The following ASIC2 variants were observed in gnomAD, a reference collection of about 807,000 sequenced individuals.
ASIC2 encodes acid sensing ion channel subunit 2, also known as acid-sensing ion channel 2.
ASIC2 carries 25 observed loss-of-function variants against 57.3 expected under a neutral mutation model. The observed-to-expected ratio is 0.44, with a 90% confidence interval of 0.32 to 0.61. The LOEUF (loss-of-function observed/expected upper bound fraction) is 0.61. Ranked by LOEUF, ASIC2 falls within the 20% of genes least tolerant of loss-of-function variation. The probability of loss-of-function intolerance (pLI) is 0.06; values close to 1 mark genes in which losing one functional copy is unlikely to be tolerated. For synonymous variants in ASIC2, 319 were observed against 307.5 expected, an observed-to-expected ratio of 1.04 and a Z score of -0.39; for missense variants, 641 against 738.1, an observed-to-expected ratio of 0.87 and a Z score of 1.52.
chr17:34,022,652 A>AC (rs1555582533), intron 1 of ASIC2, among the ~76,000 whole-genome samples: 3 of 151,774 alleles, frequency 2.0e-5, no homozygotes, highest in African/African-American at 7.3e-5. Context: ...AAAAAAAAAA[A>AC]CAAAAAAACA....
At chr17:33,874,891 C>A (rs1914512872) in intron 1 of ASIC2, among the ~76,000 whole-genome samples, 1 of 152,202 alleles carries the variant, frequency 6.6e-6, no homozygotes, top group Non-Finnish European at 1.5e-5. Flanking sequence ...GGGACCACAC[C>A]TATGACCAGT....
chr17:33,053,973 A>G (rs2091987933), intron 3 of ASIC2, among the ~76,000 whole-genome samples: 1 of 152,164 alleles, frequency 6.6e-6, no homozygotes, highest in Non-Finnish European at 1.5e-5. Flanking sequence ...AACATAATCC[A>G]GAATAAATGC....
At chr17:33,498,972 G>A (rs1049825521) in intron 1 of ASIC2, among the ~76,000 whole-genome samples, 3 of 152,216 alleles carry the variant, frequency 2.0e-5, no homozygotes, top group African/African-American at 4.8e-5. Context: ...AGAACTGTCT[G>A]GAAGACGAGG....
intron 1 of ASIC2, among the ~76,000 whole-genome samples, chr17:33,549,928 C>G (rs552922100): frequency 2.0e-5 from 3 of 152,270 alleles, no homozygotes; most frequent in Non-Finnish European, 4.4e-5. Flanking sequence ...GGCGGCTAAA[C>G]CTAGGGACGC....
chr17:33,090,692 G>A (rs1435766408), intron 2 of ASIC2, among the ~76,000 whole-genome samples: 1 of 152,182 alleles, frequency 6.6e-6, no homozygotes, highest in Non-Finnish European at 1.5e-5. Flanking sequence ...GAGTCACTGG[G>A]AAGGAAGGGC....
At chr17:33,635,232 T>C (rs1020671541) in intron 1 of ASIC2, among the ~76,000 whole-genome samples, 9 of 152,204 alleles carry the variant, frequency 5.9e-5, no homozygotes, top group Admixed American at 5.2e-4. Flanking sequence ...TGTGGGTCAA[T>C]AATGATAATA....
intron 1 of ASIC2, among the ~76,000 whole-genome samples, chr17:33,851,318 C>G (rs1213025795): frequency 6.6e-6 from 1 of 151,814 alleles, no homozygotes; most frequent in African/African-American, 2.4e-5. Flanking sequence ...CCCAAGAGGA[C>G]AGGGTTGATG....
chr17:33,018,407 G>T (rs867049893), intron 7 of ASIC2, among the ~76,000 whole-genome samples: 3 of 152,232 alleles, frequency 2.0e-5, no homozygotes, highest in Non-Finnish European at 2.9e-5. Flanking sequence ...GTTCCCGCTG[G>T]GGGTAAGGTG....
intron 1 of ASIC2, among the ~76,000 whole-genome samples, chr17:33,549,655 C>T (rs1400895691): frequency 6.6e-6 from 1 of 152,150 alleles, no homozygotes; most frequent in African/African-American, 2.4e-5. Flanking sequence ...GAGTTCAGAT[C>T]CTTGGCATTA....
intron 1 of ASIC2, among the ~76,000 whole-genome samples, chr17:33,989,575 C>T (rs1905938597): frequency 6.6e-6 from 1 of 151,020 alleles, no homozygotes; most frequent in Admixed American, 6.6e-5. Context: ...CCCACCACTT[C>T]CCGGCTAAGA....
At chr17:33,678,570 AC>A (rs1227410481) in intron 1 of ASIC2, among the ~76,000 whole-genome samples, 5 of 151,682 alleles carry the variant, frequency 3.3e-5, no homozygotes, top group Non-Finnish European at 7.4e-5. Flanking sequence ...AGCTCCTGAC[AC>A]CCAGTCCACA....
intron 1 of ASIC2, among the ~76,000 whole-genome samples, chr17:33,357,410 T>C (rs1908427388): frequency 6.6e-6 from 1 of 152,200 alleles, no homozygotes; most frequent in South Asian, 2.1e-4. Flanking sequence ...TTGCAACAAC[T>C]GGCCAGACTT....
chr17:33,638,442 C>T (rs1906441291), intron 1 of ASIC2, among the ~76,000 whole-genome samples: 3 of 152,170 alleles, frequency 2.0e-5, no homozygotes, highest in Non-Finnish European at 2.9e-5. Context: ...ATAATCTTTG[C>T]TAAGGCAGTT....
rs1195164274 is a variant in ASIC2 at position 33,123,647 on chromosome 17, T to A, written c.709-11580A>T. Among the ~76,000 whole-genome samples, 13 of 152,346 alleles carry A rather than the reference T, an allele frequency of 8.5e-5. No individual in the cohort carries two copies. In the East Asian group the frequency reaches 2.3e-3, roughly 27 times the overall value. On this transcript the variant is annotated intron_variant, in intron 1 of 9. Transcript: ENST00000225823. The stretch of plus-strand genomic sequence containing the variant: ...CGTTTCTTGGGCATTCTTGCAAAAC[T>A]CTGCATTACTCTGACTGGCTATTTC...
At chr17:33,921,465 A>G (rs1915707505) in intron 1 of ASIC2, among the ~76,000 whole-genome samples, 1 of 152,208 alleles carries the variant, frequency 6.6e-6, no homozygotes. Flanking sequence ...GAGGAATGCC[A>G]AAACAGTGTA....
chr17:33,377,443 T>C (rs142252604), intron 1 of ASIC2, among the ~76,000 whole-genome samples: 116 of 152,332 alleles, frequency 7.6e-4, no homozygotes, highest in African/African-American at 2.6e-3. Flanking sequence ...TGAGAATTTC[T>C]CTCTTCTAAA....
intron 1 of ASIC2, among the ~76,000 whole-genome samples, chr17:33,375,546 C>T (rs1014065050): frequency 3.3e-5 from 5 of 152,100 alleles, no homozygotes; most frequent in African/African-American, 1.2e-4. Context: ...GTATGGCTTG[C>T]GTTTTAAAAG....
intron 1 of ASIC2, among the ~76,000 whole-genome samples, chr17:33,374,558 A>G (rs1008683775): frequency 5.9e-5 from 9 of 152,178 alleles, no homozygotes; most frequent in Non-Finnish European, 1.0e-4. Flanking sequence ...TCCCTGTCCT[A>G]CATGGTTGGC....
At chr17:33,227,593 C>T (rs758858067) in intron 1 of ASIC2, among the ~76,000 whole-genome samples, 5 of 152,084 alleles carry the variant, frequency 3.3e-5, no homozygotes, top group African/African-American at 7.2e-5. Flanking sequence ...CTTTCCAAAG[C>T]GAACCTGACC....
Sources: gnomAD v4.1 joint callset for allele counts (sites outside exome capture counted in the v4.1 genomes callset) on GRCh38, gnomAD v4.1.1 for gene constraint, MANE v1.5 for transcripts, NCBI Gene and HGNC (gene_info 2026-07-23, HGNC 2026-07-21) for gene names.